Variants in EVI5 observed in about 807,000 individuals in gnomAD.
The protein encoded by EVI5 is ecotropic viral integration site 5, also known as ecotropic viral integration site 5 protein homolog.
Under a neutral mutation model 112.0 loss-of-function variants are expected in EVI5, and 73 were observed. That is an observed-to-expected ratio of 0.65 (90% confidence interval 0.54 to 0.79). The LOEUF is 0.79. EVI5 is among the 30% of genes least tolerant of loss of function. EVI5 has a pLI of 0.00. For synonymous variants in EVI5, 305 were observed against 319.9 expected (o/e 0.95, Z 0.50); for missense variants, 900 against 968.8 (o/e 0.93, Z 0.94).
intron 19 of EVI5, among the ~76,000 whole-genome samples, chr1:92,515,010 G>A (rs961243445): frequency 1.8e-4 from 27 of 152,118 alleles, no homozygotes; most frequent in Non-Finnish European, 3.1e-4. Flanking sequence ...GTGCCAGTCC[G>A]GTATAACATT....
At chr1:92,642,157 A>G (rs1660106544) in intron 13 of EVI5, among the ~76,000 whole-genome samples, 3 of 152,146 alleles carry the variant, frequency 2.0e-5, no homozygotes, top group South Asian at 4.1e-4. Flanking sequence ...TGAAAAATCT[A>G]TAATTTTTAT....
intron 1 of EVI5, among the ~76,000 whole-genome samples, chr1:92,765,562 C>G (rs1394515643): frequency 1.3e-5 from 2 of 150,724 alleles, no homozygotes; most frequent in Non-Finnish European, 3.0e-5. Context: ...TTATAAACAA[C>G]AAAGACACGA....
rs201549399 is a variant in EVI5, at chr1:92,512,015, T to A, written c.*1641A>T. On this transcript the variant is annotated 3_prime_UTR_variant, in exon 20 of 20. Transcript: ENST00000684568. ...CTTTTTCCATAGGTTAACAAAATGT[T>A]TTTTTTTTCATAGGCTAACAAAAAT... The A allele has an allele frequency of 5.9e-5, 9 of 152,260 alleles. No individual in the cohort carries two copies. The highest frequency in any genetic ancestry group is 4.4e-5 in the Non-Finnish European group (3 of 67,982). 9.4% of individuals were successfully genotyped at this position (152,260 alleles called of 1,614,324 possible).
chr1:92,715,260 C>T (rs1433514475), intron 2 of EVI5, among the ~76,000 whole-genome samples: 6 of 152,146 alleles, frequency 3.9e-5, no homozygotes, highest in East Asian at 3.9e-4. Context: ...CCACCCGCCT[C>T]GGCCTCCCAA....
chr1:92,745,925 A>C (rs1229474224), intron 1 of EVI5, among the ~76,000 whole-genome samples: 1 of 152,226 alleles, frequency 6.6e-6, no homozygotes, highest in Non-Finnish European at 1.5e-5. Flanking sequence ...GTGTTAAACT[A>C]AACTTGGCCT....
chr1:92,565,242 T>C (rs1474411904), intron 18 of EVI5, among the ~76,000 whole-genome samples: 3 of 152,172 alleles, frequency 2.0e-5, no homozygotes, highest in Non-Finnish European at 4.4e-5. Context: ...TACACATATA[T>C]AATCAAACAC....
At chr1:92,547,660 G>A (rs1440891637) in intron 19 of EVI5, among the ~76,000 whole-genome samples, 1 of 151,916 alleles carries the variant, frequency 6.6e-6, no homozygotes, top group Non-Finnish European at 1.5e-5. Flanking sequence ...AATGATAAAG[G>A]GGATATCACC....
chr1:92,558,023 C>A (rs1372571121), intron 19 of EVI5, among the ~76,000 whole-genome samples: 2 of 152,164 alleles, frequency 1.3e-5, no homozygotes. Context: ...TAGGCATGGG[C>A]CTCCGTGCCT....
chr1:92,774,763 G>C (rs564866929), intron 1 of EVI5, among the ~76,000 whole-genome samples: 2 of 152,298 alleles, frequency 1.3e-5, no homozygotes, highest in South Asian at 2.1e-4. Context: ...AAAGAACAAT[G>C]AACAAGGCAC....
intron 1 of EVI5, among the ~76,000 whole-genome samples, chr1:92,761,057 CAAAAA>C (rs35833050): frequency 1.9e-5 from 2 of 106,240 alleles, no homozygotes; most frequent in African/African-American, 3.9e-5. Context: ...GGCTCCATCT[CAAAAA>C]AAAAAAAAAA....
chr1:92,717,577 C>T (rs2102665676), intron 2 of EVI5, among the ~76,000 whole-genome samples: 1 of 152,262 alleles, frequency 6.6e-6, no homozygotes, highest in South Asian at 2.1e-4. Flanking sequence ...CCGTTACCAG[C>T]CTCTGCAAAA....
Position 92,704,572 on chromosome 1 carries a change from T to C in EVI5, c.322A>G (p.Lys108Glu). ...ATGAATACCTTAACTTGCTTTTCCT[T>C]CTTTTTGCGTACATCTTCCCATTCA... ...VNEWEDVRKK[K>E]EKQVKELVHK... The change falls in exon 3 of 20, where the codon AAG (lysine) becomes GAG (glutamate). Residue 108 changes from lysine (K) to glutamate (E), a missense_variant. Physicochemically the swap from Lys to Glu is moderately conservative, Grantham distance 56 (BLOSUM62 1). Coordinates refer to ENST00000684568, the MANE Select transcript of EVI5 (RefSeq NM_001350197.2). 6.3e-7 allele frequency: 1 copy of C among 1,577,060 alleles called. No homozygotes were observed. Among genetic ancestry groups the C allele is most frequent in the African/African-American group, 1.4e-5 (1 of 73,320 alleles).
At chr1:92,761,769 C>A (rs1174734885) in intron 1 of EVI5, among the ~76,000 whole-genome samples, 1 of 152,138 alleles carries the variant, frequency 6.6e-6, no homozygotes, top group Non-Finnish European at 1.5e-5. Flanking sequence ...TCACAAATGG[C>A]TTAGTTCCAG....
chr1:92,636,425 T>C (rs1433160783), intron 13 of EVI5, 89 bp from the exon 14 acceptor site: 12 of 1,100,508 alleles, frequency 1.1e-5, no homozygotes, highest in Non-Finnish European at 1.3e-6. Context: ...TACAGTTATA[T>C]TACATTAAGG....
chr1:92,764,554 T>C (rs1682338742), intron 1 of EVI5, among the ~76,000 whole-genome samples: 1 of 152,192 alleles, frequency 6.6e-6, no homozygotes, highest in Non-Finnish European at 1.5e-5. Context: ...TGATACTGAT[T>C]ACCAAACTTA....
At chr1:92,647,945 A>G (rs1033795191) in intron 13 of EVI5, among the ~76,000 whole-genome samples, 1 of 151,168 alleles carries the variant, frequency 6.6e-6, no homozygotes, top group African/African-American at 2.4e-5. Flanking sequence ...GGGTTTCACC[A>G]TGTTGGCCAA....
intron 5 of EVI5, among the ~76,000 whole-genome samples, chr1:92,698,421 G>T (rs1476193888): frequency 6.6e-6 from 1 of 152,172 alleles, no homozygotes; most frequent in Non-Finnish European, 1.5e-5. Flanking sequence ...ATAAAGTAGG[G>T]AATGCTGGGG....
At chr1:92,530,691 G>A (rs1465396508) in intron 19 of EVI5, among the ~76,000 whole-genome samples, 1 of 151,910 alleles carries the variant, frequency 6.6e-6, no homozygotes, top group East Asian at 2.0e-4. Context: ...ACCTGCAGCA[G>A]AGAGGCCTGT....
intron 16 of EVI5, among the ~76,000 whole-genome samples, chr1:92,616,610 T>C (rs1157274472): frequency 1.3e-5 from 2 of 152,034 alleles, no homozygotes; most frequent in African/African-American, 4.8e-5. Flanking sequence ...AAATACTAAT[T>C]TGAATTATAA....
Sources: gnomAD v4.1 joint callset for allele counts (sites outside exome capture counted in the v4.1 genomes callset) on GRCh38, gnomAD v4.1.1 for gene constraint, MANE v1.5 for transcripts, NCBI Gene and HGNC (gene_info 2026-07-23, HGNC 2026-07-21) for gene names.